Variants in CEP162 observed in about 807,000 individuals in gnomAD.
The protein encoded by CEP162 is centrosomal protein of 162 kDa.
A neutral mutation model predicts 169.2 loss-of-function variants in CEP162; 141 were observed. The ratio of observed to expected loss-of-function variants is 0.83; its 90% CI spans 0.73 to 0.96. CEP162 has a LOEUF of 0.96. Ranked by LOEUF, CEP162 falls within the 40% of genes least tolerant of loss-of-function variation. The pLI, the probability that CEP162 is intolerant of heterozygous loss-of-function variation, is 0.00. For synonymous variants in CEP162, 540 were observed against 526.4 expected (o/e 1.03, Z -0.35); for missense variants, 1,600 against 1,587.2 (o/e 1.01, Z -0.14).
At chr6:84,127,706 C>T (rs866082124) in intron 25 of CEP162, among the ~76,000 whole-genome samples, 1 of 152,052 alleles carries the variant, frequency 6.6e-6, no homozygotes, top group African/African-American at 2.4e-5. Context: ...AGTAATATTT[C>T]CAGCTGTTAC....
At position 84,158,913 on chromosome 6, in the gene CEP162, C is replaced by G. The variant is rs770300686; in HGVS notation, c.2781+1899G>C. ...TGGTCAAAAATATCAGTCTGGTATA[C>G]AAAGTAAATTTTTTTTAACTCTCAT... On this transcript the variant is annotated intron_variant, in intron 21 of 26. Transcript: ENST00000403245. 1.1e-3 allele frequency among the ~76,000 whole-genome samples: 171 copies of G among 151,442 alleles called. No individual in the cohort carries two copies. In the Middle Eastern group the frequency reaches 0.019, roughly 16 times the overall value.
chr6:84,145,135 C>T (rs979328992), intron 25 of CEP162, among the ~76,000 whole-genome samples: 3 of 152,084 alleles, frequency 2.0e-5, no homozygotes, highest in Non-Finnish European at 4.4e-5. Flanking sequence ...TGGTACCTTA[C>T]ATACGAGGTT....
intron 25 of CEP162, among the ~76,000 whole-genome samples, chr6:84,140,449 G>A (rs532307782): frequency 2.0e-5 from 3 of 152,234 alleles, no homozygotes; most frequent in East Asian, 1.9e-4. Context: ...TTTGGATATC[G>A]AGGGAGATTT....
At chr6:84,164,901 G>A (rs926220508) in intron 18 of CEP162, among the ~76,000 whole-genome samples, 1 of 152,004 alleles carries the variant, frequency 6.6e-6, no homozygotes, top group Non-Finnish European at 1.5e-5. Context: ...AAAACTCCCT[G>A]CTGGCTCCTT....
chr6:84,130,160 T>TATTG (rs1159856671), intron 25 of CEP162, among the ~76,000 whole-genome samples: 2 of 152,222 alleles, frequency 1.3e-5, no homozygotes, highest in African/African-American at 4.8e-5. Context: ...GGATTATGTT[T>TATTG]ATTGATTTGC....
At chr6:84,129,549 AT>A (rs1329818780) in intron 25 of CEP162, among the ~76,000 whole-genome samples, 1 of 151,938 alleles carries the variant, frequency 6.6e-6, no homozygotes, top group Non-Finnish European at 1.5e-5. Context: ...TTTCTTGTAA[AT>A]TTGTTTAAGT....
intron 18 of CEP162, among the ~76,000 whole-genome samples, chr6:84,166,628 C>T (rs867358378): frequency 1.3e-5 from 2 of 152,102 alleles, no homozygotes; most frequent in Admixed American, 6.6e-5. Context: ...TCAATAAAGG[C>T]TGTCTGATTA....
At chr6:84,170,578 T>C (rs1002607898) in intron 17 of CEP162, among the ~76,000 whole-genome samples, 4 of 152,034 alleles carry the variant, frequency 2.6e-5, no homozygotes, top group African/African-American at 4.8e-5. Context: ...GCCCTGCCTC[T>C]TAGGCCCTAG....
At position 84,221,061 on chromosome 6, in the gene CEP162, A is replaced by T. The variant is rs375159142; in HGVS notation, c.168T>A (p.Asp56Glu). 19 of 1,523,864 alleles carry T rather than the reference A, an allele frequency of 1.2e-5. No individual in the cohort carries two copies. In the African/African-American group the frequency reaches 2.6e-4, roughly 21 times the overall value. The allele number at this position is 1,523,864 out of a possible 1,614,324, so 94.4% of individuals were successfully genotyped here. A position where few individuals can be genotyped will look rare whatever the true frequency, so the allele number is the denominator to read the frequency against. Reference sequence around the variant, plus strand: ...CTAAAAATCAGCAACATTTACCATCATCTTTAAAATCATCTTCAGTTATCC... The same window carrying T: ...CTAAAAATCAGCAACATTTACCATCTTCTTTAAAATCATCTTCAGTTATCC... ...PWWITEDDFK[D>E]DGLLGTNVSY... is the part of the protein sequence containing the mutation. Residue 56 changes from aspartate (D) to glutamate (E), a missense_variant, in exon 3 of 27, where the codon GAT becomes GAA. Physicochemically the swap from Asp to Glu is conservative, Grantham distance 45 (BLOSUM62 2). Coordinates refer to ENST00000403245, the MANE Select transcript of CEP162 (RefSeq NM_014895.4).
intron 6 of CEP162, among the ~76,000 whole-genome samples, chr6:84,206,640 C>A: frequency 6.6e-6 from 1 of 152,102 alleles, no homozygotes; most frequent in Non-Finnish European, 1.5e-5. Context: ...TAGGCAATAC[C>A]ATTCAGGACA....
At chr6:84,169,159 G>A (rs2099528974) in intron 18 of CEP162, among the ~76,000 whole-genome samples, 169 bp downstream of exon 18, 1 of 152,074 alleles carries the variant, frequency 6.6e-6, no homozygotes, top group Non-Finnish European at 1.5e-5. Flanking sequence ...AAGGTCATGT[G>A]CATACTATAT....
rs78488882 is a variant in CEP162, at chr6:84,126,289, A to T, written c.4005+89T>A. ...ATACACTGGAAACACTTTAAGTGGT[A>T]ATTTTTGCTAGGGATGACAAAACTA... On this transcript the variant is annotated intron_variant, in intron 26 of 26. Transcript: ENST00000403245. 1.6e-3 allele frequency: 1,425 copies of T among 891,608 alleles called. 17 individuals carry two copies. The African/African-American group carries it at 0.023, about 14-fold the overall frequency. The allele number at this position is 891,608 out of a possible 1,614,324, so 55.2% of individuals were successfully genotyped here. A position where few individuals can be genotyped will look rare whatever the true frequency, so the allele number is the denominator to read the frequency against.
intron 11 of CEP162, among the ~76,000 whole-genome samples, chr6:84,188,469 G>A (rs752170824): frequency 2.0e-5 from 3 of 152,170 alleles, no homozygotes; most frequent in African/African-American, 4.8e-5. Context: ...ACTGATAAGT[G>A]AGAACATACA....
At chr6:84,194,208 A>G (rs945071941) in intron 10 of CEP162, among the ~76,000 whole-genome samples, 2 of 152,022 alleles carry the variant, frequency 1.3e-5, no homozygotes, top group African/African-American at 4.8e-5. Flanking sequence ...GACAAAAATT[A>G]GCTGGGCATG....
intron 16 of CEP162, among the ~76,000 whole-genome samples, chr6:84,172,663 TG>T (rs1203301410): frequency 1.3e-5 from 2 of 152,210 alleles, no homozygotes; most frequent in African/African-American, 4.8e-5. Flanking sequence ...CAGAAGAATT[TG>T]AATGGTTCCC....
chr6:84,212,838 C>G, intron 6 of CEP162, 119 bp downstream of exon 6: 1 of 646,102 alleles, frequency 1.5e-6, no homozygotes, highest in Non-Finnish European at 2.6e-6. Flanking sequence ...GGCAAACCCA[C>G]TCTATTCAAA....
At chr6:84,188,464 TAA>T (rs1215452438) in intron 11 of CEP162, among the ~76,000 whole-genome samples, 3 of 152,304 alleles carry the variant, frequency 2.0e-5, no homozygotes, top group African/African-American at 7.2e-5. Context: ...CTCCCACTGA[TAA>T]GTGAGAACAT....
intron 25 of CEP162, among the ~76,000 whole-genome samples, chr6:84,137,059 G>A (rs2099514442): frequency 6.6e-6 from 1 of 152,196 alleles, no homozygotes; most frequent in Non-Finnish European, 1.5e-5. Context: ...CGGTTCTTGT[G>A]GAGCATGCGG....
chr6:84,223,355 T>A (rs1027393795), intron 2 of CEP162, among the ~76,000 whole-genome samples: 2 of 151,266 alleles, frequency 1.3e-5, no homozygotes, highest in Non-Finnish European at 3.0e-5. Context: ...AAAAATTAGC[T>A]GGGCGTGGTG....
Sources: gnomAD v4.1 joint callset for allele counts (sites outside exome capture counted in the v4.1 genomes callset) on GRCh38, gnomAD v4.1.1 for gene constraint, MANE v1.5 for transcripts, NCBI Gene and HGNC (gene_info 2026-07-23, HGNC 2026-07-21) for gene names.